The following SYNE1 variants were observed in gnomAD, a reference collection of about 807,000 sequenced individuals.
SYNE1 encodes nesprin-1.
In SYNE1, 616 loss-of-function variants were observed where a neutral mutation model predicts 1,111.0. The ratio of observed to expected loss-of-function variants is 0.55; its 90% CI spans 0.52 to 0.59. The LOEUF is 0.59. Ranked by LOEUF, SYNE1 falls within the 20% of genes least tolerant of loss-of-function variation. The probability of loss-of-function intolerance (pLI) is 0.00; values close to 1 mark genes in which losing one functional copy is unlikely to be tolerated. For synonymous variants in SYNE1, 3,855 were observed against 3,825.8 expected (o/e 1.01, Z -0.28); for missense variants, 10,006 against 10,417.0 (o/e 0.96, Z 1.72).
intron 131 of SYNE1, among the ~76,000 whole-genome samples, chr6:152,159,590 T>G (rs1248344791): frequency 6.6e-6 from 1 of 152,182 alleles, no homozygotes; most frequent in Non-Finnish European, 1.5e-5. Context: ...CAGCTCTTTC[T>G]TCTGGTATTA....
intron 22 of SYNE1, among the ~76,000 whole-genome samples, chr6:152,457,688 A>G (rs937365144): frequency 7.9e-5 from 12 of 152,064 alleles, no homozygotes; most frequent in Admixed American, 2.6e-4. Context: ...TGAAAATGGA[A>G]AGCAATTGTT....
chr6:152,381,099 G>A lies in SYNE1; in HGVS notation c.8916C>T (p.Phe2972=). The A allele has an allele frequency of 6.2e-7, 1 of 1,614,198 alleles. No homozygotes were observed. The highest frequency in any genetic ancestry group is 1.1e-5 in the South Asian group (1 of 91,088). Reference sequence around the variant, plus strand: ...GAGCCCAGGTTTTCAGAAGGGCACTGAACTGTTCCAGGGCCTGCTCCAGTT... The same window carrying A: ...GAGCCCAGGTTTTCAGAAGGGCACTAAACTGTTCCAGGGCCTGCTCCAGTT... ...VAQLEQALEQ[F]SALLKTWAQQ... Residue 2972 remains phenylalanine (F), a synonymous_variant, in exon 56 of 146, where the codon TTC becomes TTT. Transcript: ENST00000367255.
chr6:152,592,552 T>C (rs2099570051), intron 3 of SYNE1, among the ~76,000 whole-genome samples: 1 of 151,620 alleles, frequency 6.6e-6, no homozygotes, highest in South Asian at 2.1e-4. Flanking sequence ...CAATAGACAC[T>C]ATAGACTACT....
At chr6:152,252,466 A>G (rs1353833621) in intron 104 of SYNE1, among the ~76,000 whole-genome samples, 4 of 152,120 alleles carry the variant, frequency 2.6e-5, no homozygotes, top group African/African-American at 7.2e-5. Flanking sequence ...ATAGTTCATA[A>G]TTGACTTTAT....
intron 122 of SYNE1, 102 bp downstream of exon 122, chr6:152,214,804 T>G: frequency 1.4e-6 from 2 of 1,480,816 alleles, no homozygotes; most frequent in Non-Finnish European, 1.9e-6. Context: ...CTGTTCAACA[T>G]TTCTGTTCTT....
chr6:152,376,774 A>G lies in SYNE1; in HGVS notation c.9146+2T>C. ...TTGAACACCAATAAGGTTCATGCTC[A>G]CCAATTATACTCTTTAATCAAGCCA... On this transcript the variant is annotated splice_donor_variant, in intron 57 of 145. Transcript: ENST00000367255. LOFTEE classifies it high-confidence loss of function. 1 of 1,613,784 alleles carries G rather than the reference A, an allele frequency of 6.2e-7. No homozygotes were observed. The highest frequency in any genetic ancestry group is 8.5e-7 in the Non-Finnish European group (1 of 1,180,000).
intron 11 of SYNE1, among the ~76,000 whole-genome samples, chr6:152,493,378 C>T (rs1179757154): frequency 1.3e-5 from 2 of 152,042 alleles, no homozygotes; most frequent in Admixed American, 6.5e-5. Flanking sequence ...TTTGCTATTC[C>T]TTTACACCCT....
intron 3 of SYNE1, among the ~76,000 whole-genome samples, chr6:152,558,635 G>C (rs2099383699): frequency 6.6e-6 from 1 of 152,062 alleles, no homozygotes; most frequent in Non-Finnish European, 1.5e-5. Flanking sequence ...AATTCATCAA[G>C]AGCACATAAT....
intron 144 of SYNE1, among the ~76,000 whole-genome samples, chr6:152,131,309 T>A (rs549757046): frequency 2.6e-4 from 38 of 143,830 alleles, no homozygotes; most frequent in African/African-American, 9.3e-4. Flanking sequence ...CTAGGATCTA[T>A]AGGAAACTAG....
rs922921602 is a variant in SYNE1 at position 152,122,685 on chromosome 6, A to G, written c.26154-9T>C. 1 of 1,613,768 alleles carries G rather than the reference A, an allele frequency of 6.2e-7. No homozygotes were observed. The highest frequency in any genetic ancestry group is 8.5e-7 in the Non-Finnish European group (1 of 1,179,872). On this transcript the variant is annotated splice_polypyrimidine_tract_variant and intron_variant, in intron 145 of 145. Coordinates refer to ENST00000367255, the MANE Select transcript of SYNE1 (RefSeq NM_182961.4). ...AGCCACCTTTTGTGGACCTGAGAGA[A>G]GAATGGACATAAATTACTCAGATAA...
chr6:152,368,876 C>G, intron 61 of SYNE1, 96 bp downstream of exon 61: 1 of 1,492,836 alleles, frequency 6.7e-7, no homozygotes, highest in Non-Finnish European at 9.3e-7. Context: ...ACACTGTGGG[C>G]GGGTCAGGAT....
intron 16 of SYNE1, among the ~76,000 whole-genome samples, chr6:152,466,405 C>T (rs1030247266): frequency 2.0e-5 from 3 of 152,164 alleles, no homozygotes; most frequent in African/African-American, 4.8e-5. Flanking sequence ...TTTAGAAGAA[C>T]ATTTTAAAGT....
chr6:152,499,915 T>C (rs2099019972), intron 10 of SYNE1, among the ~76,000 whole-genome samples: 1 of 152,196 alleles, frequency 6.6e-6, no homozygotes, highest in Admixed American at 6.5e-5. Flanking sequence ...TAAAGCTTCT[T>C]TAGTAAAGTA....
At position 152,461,632 on chromosome 6, in the gene SYNE1, C is replaced by T. The variant is rs139755975; in HGVS notation, c.2359G>A (p.Ala787Thr). 139 of 1,613,842 alleles carry T rather than the reference C, an allele frequency of 8.6e-5. No homozygotes were observed. Among genetic ancestry groups the T allele is most frequent in the Middle Eastern group, 1.6e-4 (1 of 6,084 alleles). Residue 787 changes from alanine (A) to threonine (T), a missense_variant, in exon 21 of 146, where the codon GCG becomes ACG. By Grantham distance (58) the Ala-to-Thr change is moderately conservative (BLOSUM62 0). Around this residue, in one of 7 missense-constraint regions of SYNE1, gnomAD observed 1,971 missense variants for 2,084.1 expected, o/e 0.95. Coordinates refer to ENST00000367255, the MANE Select transcript of SYNE1 (RefSeq NM_182961.4). ...TGCTCTTTGAGCTTTGACATGGTCG[C>T]AAACATTTCTTTTCCTTCTTCTTGG... is the stretch of plus-strand genomic sequence containing the variant. ...SPQEEGKEMFATMSKLKEQLT... is the reference protein window; with the variant it reads ...SPQEEGKEMFTTMSKLKEQLT...
chr6:152,346,229 C>A (rs141149371), intron 73 of SYNE1, among the ~76,000 whole-genome samples: 2 of 152,164 alleles, frequency 1.3e-5, no homozygotes, highest in South Asian at 2.1e-4. Context: ...TGCAGTGGCG[C>A]GATCTCGGCT....
At chr6:152,165,457 TTAA>T (rs2063460890) in intron 130 of SYNE1, among the ~76,000 whole-genome samples, 1 of 152,178 alleles carries the variant, frequency 6.6e-6, no homozygotes, top group Non-Finnish European at 1.5e-5. Flanking sequence ...TGGTCAGCTG[TTAA>T]TAATATCTAT....
intron 81 of SYNE1, among the ~76,000 whole-genome samples, chr6:152,324,268 G>A (rs1457626697): frequency 6.6e-6 from 1 of 151,972 alleles, no homozygotes; most frequent in Non-Finnish European, 1.5e-5. Flanking sequence ...GTGTGGTGGC[G>A]GGTGCCTGTA....
intron 41 of SYNE1, among the ~76,000 whole-genome samples, chr6:152,414,604 T>G (rs1003277901): frequency 1.3e-5 from 2 of 152,180 alleles, no homozygotes; most frequent in Non-Finnish European, 2.9e-5. Context: ...GGTGGCACAG[T>G]GAAGCATTAG....
intron 101 of SYNE1, among the ~76,000 whole-genome samples, chr6:152,261,555 T>C (rs958629471): frequency 2.0e-5 from 3 of 152,218 alleles, no homozygotes; most frequent in Non-Finnish European, 2.9e-5. Flanking sequence ...TTCACTTCCC[T>C]GCCCTAGACC....
Sources: gnomAD v4.1 joint callset for allele counts (sites outside exome capture counted in the v4.1 genomes callset) on GRCh38, gnomAD v4.1.1 for gene constraint, gnomAD v4.1.1 regional missense constraint, MANE v1.5 for transcripts, NCBI Gene and HGNC (gene_info 2026-07-23, HGNC 2026-07-21) for gene names.